GABRG3: variants seen among roughly 807,000 people sequenced by gnomAD.
The protein encoded by GABRG3 is gamma-aminobutyric acid receptor subunit gamma-3.
Under a neutral mutation model 48.8 loss-of-function variants are expected in GABRG3, and 25 were observed. That is an observed-to-expected ratio of 0.51 (90% CI 0.37 to 0.72). The LOEUF (loss-of-function observed/expected upper bound fraction) is 0.72, where lower values mean the gene tolerates loss of function less well. Ranked by LOEUF, GABRG3 falls within the 30% of genes least tolerant of loss-of-function variation. GABRG3 has a pLI of 0.00. For synonymous variants in GABRG3, 227 were observed against 217.6 expected (o/e 1.04, Z -0.38); for missense variants, 394 against 577.9 (o/e 0.68, Z 3.26).
rs1373873270 is a variant in GABRG3 at position 27,538,712 on chromosome 15, T to G, written c.*5831T>G. 6.6e-6 allele frequency: 1 copy of G among 152,178 alleles called. No individual in the cohort carries two copies. The highest frequency in any genetic ancestry group is 2.4e-5 in the African/African-American group (1 of 41,440). The allele number at this position is 152,178 out of a possible 1,614,324, so 9.4% of individuals were successfully genotyped here. On this transcript the variant is annotated 3_prime_UTR_variant, in exon 10 of 10. Transcript: ENST00000615808. The stretch of plus-strand genomic sequence containing the variant: ...CCAGACTGAGCAGGTAGCTGCTACA[T>G]TTTCTCTTCTCTTTTCTAGTTATTC...
At chr15:27,308,948 C>CAT (rs35498243) in intron 3 of GABRG3, among the ~76,000 whole-genome samples, 18,222 of 149,932 alleles carry the variant, frequency 0.12, 3,294 homozygotes, top group African/African-American at 0.4. Flanking sequence ...ATAATGTAAA[C>CAT]ATGTTTATAT....
chr15:27,205,588 G>A (rs530230761), intron 3 of GABRG3, among the ~76,000 whole-genome samples: 11 of 152,180 alleles, frequency 7.2e-5, no homozygotes, highest in Admixed American at 6.5e-4. Flanking sequence ...AATGAGTTAG[G>A]GAGGAATCCT....
chr15:27,237,220 C>A (rs1362089701), intron 3 of GABRG3, among the ~76,000 whole-genome samples: 1 of 152,200 alleles, frequency 6.6e-6, no homozygotes, highest in Non-Finnish European at 1.5e-5. Context: ...TTATTTAAAT[C>A]CAGTGCTGAC....
chr15:27,310,528 T>C (rs1029432241), intron 3 of GABRG3, among the ~76,000 whole-genome samples: 1 of 152,100 alleles, frequency 6.6e-6, no homozygotes, highest in African/African-American at 2.4e-5. Context: ...AGACTCTGTA[T>C]TGGAAACAAG....
intron 3 of GABRG3, among the ~76,000 whole-genome samples, chr15:27,151,220 G>A (rs1452339592): frequency 1.3e-5 from 2 of 151,996 alleles, no homozygotes; most frequent in East Asian, 1.9e-4. Flanking sequence ...GCCCTTTTAT[G>A]ACCACACACA....
At chr15:27,272,460 T>C (rs1891121134) in intron 3 of GABRG3, among the ~76,000 whole-genome samples, 1 of 152,248 alleles carries the variant, frequency 6.6e-6, no homozygotes, top group Non-Finnish European at 1.5e-5. Flanking sequence ...ATGGTATGTC[T>C]GTAACAGTAT....
At chr15:27,085,071 G>A (rs1165204993) in intron 3 of GABRG3, among the ~76,000 whole-genome samples, 2 of 152,196 alleles carry the variant, frequency 1.3e-5, no homozygotes, top group Non-Finnish European at 2.9e-5. Context: ...ATACTCAGCA[G>A]GTGCATGTTT....
chr15:27,020,508 T>C (rs1254232401), intron 2 of GABRG3, among the ~76,000 whole-genome samples: 1 of 152,122 alleles, frequency 6.6e-6, no homozygotes. Flanking sequence ...GCCTCCTGGG[T>C]TCACGCCATT....
chr15:27,266,903 T>G (rs1775412246), intron 3 of GABRG3, among the ~76,000 whole-genome samples: 1 of 152,186 alleles, frequency 6.6e-6, no homozygotes, highest in Admixed American at 6.5e-5. Context: ...TACCTTTCTT[T>G]ATAGTTTGCA....
At chr15:27,052,166 C>T (rs1896466706) in intron 3 of GABRG3, among the ~76,000 whole-genome samples, 1 of 152,172 alleles carries the variant, frequency 6.6e-6, no homozygotes, top group South Asian at 2.1e-4. Flanking sequence ...AGGAAGAATG[C>T]CATGTCTGGT....
chr15:27,470,044 T>C (rs892729067), intron 5 of GABRG3, among the ~76,000 whole-genome samples: 1 of 152,134 alleles, frequency 6.6e-6, no homozygotes, highest in Non-Finnish European at 1.5e-5. Context: ...TAGTGGTTTG[T>C]TTATTGAAAA....
intron 3 of GABRG3, among the ~76,000 whole-genome samples, chr15:27,119,380 C>T (rs1347652542): frequency 6.6e-6 from 1 of 152,164 alleles, no homozygotes; most frequent in Non-Finnish European, 1.5e-5. Flanking sequence ...AGCCATGAAC[C>T]TTACAATGGT....
chr15:27,337,468 G>A (rs1016503805), intron 5 of GABRG3, among the ~76,000 whole-genome samples: 1 of 152,102 alleles, frequency 6.6e-6, no homozygotes, highest in Non-Finnish European at 1.5e-5. Flanking sequence ...ATGCTAAGTC[G>A]TAGACACCAG....
intron 6 of GABRG3, among the ~76,000 whole-genome samples, chr15:27,486,647 C>T (rs894636108): frequency 3.3e-5 from 5 of 152,136 alleles, no homozygotes; most frequent in African/African-American, 1.2e-4. Context: ...TCCTATGTGA[C>T]CTTGGGCAAT....
chr15:27,004,310 G>T (rs1215595477), intron 2 of GABRG3, among the ~76,000 whole-genome samples: 1 of 151,728 alleles, frequency 6.6e-6, no homozygotes, highest in Non-Finnish European at 1.5e-5. Context: ...ATCCCAGACG[G>T]GGTGGCGGGG....
chr15:27,495,088 C>T (rs1480622616), intron 6 of GABRG3, among the ~76,000 whole-genome samples: 3 of 152,120 alleles, frequency 2.0e-5, no homozygotes, highest in African/African-American at 7.2e-5. Context: ...GAAGCCACAT[C>T]TCATTTTACA....
chr15:27,246,113 C>G (rs1566978394), intron 3 of GABRG3, among the ~76,000 whole-genome samples: 2 of 152,120 alleles, frequency 1.3e-5, no homozygotes, highest in Non-Finnish European at 2.9e-5. Flanking sequence ...ACCCAAACAC[C>G]TCCCGCCAGG....
At chr15:27,073,369 A>C (rs1864796) in intron 3 of GABRG3, among the ~76,000 whole-genome samples, 7 of 152,130 alleles carry the variant, frequency 4.6e-5, no homozygotes, top group African/African-American at 1.2e-4. Context: ...AGCATGCCTC[A>C]GGGGTGCCAC....
At chr15:27,308,695 AATGTAAACATACGTTTAT>A (rs1320834951) in intron 3 of GABRG3, among the ~76,000 whole-genome samples, 1 of 149,544 alleles carries the variant, frequency 6.7e-6, no homozygotes, top group Non-Finnish European at 1.5e-5. Context: ...ATAAACATAT[AATGTAAACATACGTTTAT>A]ATGTAAACAT....
Sources: allele counts gnomAD v4.1 joint callset (sites outside exome capture counted in the v4.1 genomes callset), GRCh38; gene constraint gnomAD v4.1.1; transcripts MANE v1.5; gene names NCBI Gene and HGNC (gene_info 2026-07-23, HGNC 2026-07-21).